The following FBXO33 variants were observed in gnomAD, a reference collection of about 807,000 sequenced individuals.
FBXO33 encodes F-box protein 33.
In FBXO33, 22 loss-of-function variants were observed where a neutral mutation model predicts 46.3. The ratio of observed to expected loss-of-function variants is 0.48; its 90% CI spans 0.34 to 0.68. The LOEUF (loss-of-function observed/expected upper bound fraction) is 0.68. FBXO33 is among the 30% of genes least tolerant of loss of function. The pLI is 0.01. For missense variants in FBXO33, 692 were observed against 708.8 expected, an observed-to-expected ratio of 0.98 and a Z score of 0.27; for synonymous variants, 337 against 291.3, an observed-to-expected ratio of 1.16 and a Z score of -1.60.
intron 1 of FBXO33, among the ~76,000 whole-genome samples, chr14:39,426,324 C>T (rs1247625044): frequency 6.6e-6 from 1 of 152,026 alleles, no homozygotes. Flanking sequence ...AATCCATCCA[C>T]TTTTTTTCAT....
At chr14:39,409,902 C>T (rs1425934048) in intron 1 of FBXO33, among the ~76,000 whole-genome samples, 2 of 152,120 alleles carry the variant, frequency 1.3e-5, no homozygotes, top group Non-Finnish European at 2.9e-5. Context: ...TTTGCATCCA[C>T]CAACCTTGCT....
chr14:39,429,742 G>A (rs1998885), intron 1 of FBXO33, among the ~76,000 whole-genome samples: 21,443 of 152,122 alleles, frequency 0.14, 1,671 homozygotes, highest in South Asian at 0.27. Flanking sequence ...AGGGATGACG[G>A]GTGTGATGTT....
Position 39,431,758 on chromosome 14 carries a change from G to A in FBXO33, c.405C>T (p.Phe135=), listed in dbSNP as rs867272402. 1.9e-6 allele frequency: 3 copies of A among 1,612,774 alleles called. No individual in the cohort carries two copies. Among genetic ancestry groups the A allele is most frequent in the East Asian group, 2.2e-5 (1 of 44,872 alleles). Residue 135 remains phenylalanine, a synonymous_variant, in exon 1 of 4, where the codon TTC becomes TTT. Coordinates refer to ENST00000298097, the MANE Select transcript of FBXO33 (RefSeq NM_203301.4). ...LEFLMRKCGW[F]VRELRVEFAA... is the part of the protein sequence containing the mutation. ...CGAATTCAACACGCAGCTCTCGCAC[G>A]AACCAGCCGCACTTGCGCATGAGGA...
rs775357641 is a variant in FBXO33, at chr14:39,401,825, A to G, written c.747T>C (p.Ser249=). The part of the protein sequence containing the change: ...QQLFEEILSN[S]RQLKWLSCGF... ...CACAGGACAGCCATTTCAGTTGCCT[A>G]CTATTACTCAGGATTTCTTCAAACA... is the stretch of plus-strand genomic sequence containing the variant. Residue 249 remains serine (S), a synonymous_variant, in exon 3 of 4, where the codon AGT becomes AGC. Transcript: ENST00000298097. 1 of 1,613,602 alleles carries G rather than the reference A, an allele frequency of 6.2e-7. No homozygotes were observed. The highest frequency in any genetic ancestry group is 8.5e-7 in the Non-Finnish European group (1 of 1,179,774).
chr14:39,401,315 G>T lies in FBXO33; in HGVS notation c.1257C>A (p.Asp419Glu), dbSNP rs753775225. The change falls in exon 3 of 4, where the codon GAC becomes GAA. Residue 419 changes from aspartate (D) to glutamate (E), a missense_variant. Asp to Glu is a conservative substitution (Grantham distance 45). This residue lies in a region of FBXO33 where 186 missense variants were observed against 246.1 expected (regional missense o/e 0.76). Coordinates refer to ENST00000298097, the MANE Select transcript of FBXO33 (RefSeq NM_203301.4). ...TTAAAATAAAATGAGTGAGGAACTTGTCATATTGCCTGGATATAAGATCAA... is the reference window on the plus strand; with the variant it reads ...TTAAAATAAAATGAGTGAGGAACTTTTCATATTGCCTGGATATAAGATCAA... ...AIVDLISRQY[D>E]KFLTHFILMN... 6.2e-7 allele frequency: 1 copy of T among 1,614,118 alleles called. No homozygotes were observed. The highest frequency in any genetic ancestry group is 2.2e-5 in the East Asian group (1 of 44,878).
rs2075353434 is a variant in FBXO33 at position 39,398,463 on chromosome 14, T to C, written c.*1053A>G. ...AGTGAAACAGGTGCATGTTTTTTTTTTCTTTTTTTTTTTTTTTTGTTTTGT... is the reference window on the plus strand; with the variant it reads ...AGTGAAACAGGTGCATGTTTTTTTTCTCTTTTTTTTTTTTTTTTGTTTTGT... On this transcript the variant is annotated 3_prime_UTR_variant, in exon 4 of 4. Transcript: ENST00000298097. 1 of 147,988 alleles carries C rather than the reference T, an allele frequency of 6.8e-6. No individual in the cohort carries two copies. The highest frequency in any genetic ancestry group is 1.5e-5 in the Non-Finnish European group (1 of 67,916). The allele number at this position is 147,988 out of a possible 1,614,324, so 9.2% of individuals were successfully genotyped here.
intron 1 of FBXO33, among the ~76,000 whole-genome samples, chr14:39,404,908 G>C (rs1236341997): frequency 1.3e-5 from 2 of 151,916 alleles, no homozygotes; most frequent in Admixed American, 1.3e-4. Flanking sequence ...CAGCACTTTG[G>C]GAGGCTGAGG....
At chr14:39,408,205 A>C (rs1250851791) in intron 1 of FBXO33, among the ~76,000 whole-genome samples, 1 of 151,824 alleles carries the variant, frequency 6.6e-6, no homozygotes, top group Non-Finnish European at 1.5e-5. Context: ...TCAGCCTCCC[A>C]AAGTGTTGGA....
At chr14:39,414,708 C>T (rs2075439309) in intron 1 of FBXO33, among the ~76,000 whole-genome samples, 1 of 152,180 alleles carries the variant, frequency 6.6e-6, no homozygotes, top group Non-Finnish European at 1.5e-5. Context: ...GTTGCCCAGG[C>T]TGCAGTGCAG....
At chr14:39,431,529 G>T in intron 1 of FBXO33, 35 bp downstream of exon 1, 1 of 1,605,814 alleles carries the variant, frequency 6.2e-7, no homozygotes, top group Non-Finnish European at 8.5e-7. Flanking sequence ...GCGACCCCCC[G>T]TTACCGGGCG....
chr14:39,407,193 T>C (rs762911216), intron 1 of FBXO33, among the ~76,000 whole-genome samples: 7 of 152,174 alleles, frequency 4.6e-5, no homozygotes, highest in African/African-American at 1.2e-4. Flanking sequence ...ATACAAGATA[T>C]TTAGGAATAA....
intron 1 of FBXO33, among the ~76,000 whole-genome samples, chr14:39,411,080 C>A (rs4902599): frequency 0.38 from 58,421 of 151,898 alleles, 14,011 homozygotes; most frequent in African/African-American, 0.67. Flanking sequence ...TTTAAAGTTA[C>A]GTTGTATGAA....
At position 39,401,239 on chromosome 14, in the gene FBXO33, T is replaced by G; in HGVS notation, c.1333A>C (p.Asn445His). Reference protein sequence around the residue: ...SGFPDLSDNRNEDPLVLLAWR... With the variant: ...SGFPDLSDNRHEDPLVLLAWR... ...GCTAATAAAACCAACGGATCTTCAT[T>G]TCGGTTGTCACTAAGATCTGGAAAA... Residue 445 changes from asparagine (N) to histidine (H), a missense_variant, in exon 3 of 4, where the codon AAT (asparagine) becomes CAT (histidine). Around this residue, in one of 3 missense-constraint regions of FBXO33, gnomAD observed 186 missense variants for 246.1 expected, o/e 0.76. Coordinates refer to ENST00000298097, the MANE Select transcript of FBXO33 (RefSeq NM_203301.4). 6.2e-7 allele frequency: 1 copy of G among 1,613,426 alleles called. No homozygotes were observed. The highest frequency in any genetic ancestry group is 8.5e-7 in the Non-Finnish European group (1 of 1,179,796).
intron 1 of FBXO33, among the ~76,000 whole-genome samples, chr14:39,416,138 ATT>A (rs1226243512): frequency 6.6e-6 from 1 of 152,094 alleles, no homozygotes; most frequent in Non-Finnish European, 1.5e-5. Flanking sequence ...TCCCATTAGC[ATT>A]TCTTGTAAGG....
Position 39,432,210 on chromosome 14 carries a change from C to A in FBXO33, c.-48G>T, listed in dbSNP as rs1370270471. 1.7e-6 allele frequency: 2 copies of A among 1,189,834 alleles called. No homozygotes were observed. The highest frequency in any genetic ancestry group is 2.1e-6 in the Non-Finnish European group (2 of 958,730). 73.7% of individuals were successfully genotyped at this position (1,189,834 alleles called of 1,614,324 possible). A position where few individuals can be genotyped will look rare whatever the true frequency, so the allele number is the denominator to read the frequency against. On this transcript the variant is annotated 5_prime_UTR_variant, in exon 1 of 4. Coordinates refer to ENST00000298097, the MANE Select transcript of FBXO33 (RefSeq NM_203301.4). Reference sequence around the variant, plus strand: ...GGAACCGTCGTGGGTCTCGGCGGAACCAAGTAGAACACAAGTTGTGGAGAG... The same window carrying A: ...GGAACCGTCGTGGGTCTCGGCGGAAACAAGTAGAACACAAGTTGTGGAGAG...
At chr14:39,408,593 A>G (rs1313022986) in intron 1 of FBXO33, among the ~76,000 whole-genome samples, 1 of 151,216 alleles carries the variant, frequency 6.6e-6, no homozygotes, top group Non-Finnish European at 1.5e-5. Context: ...GCTCACTGCA[A>G]CCTCTGGCTC....
chr14:39,401,538 G>A lies in FBXO33; in HGVS notation c.1034C>T (p.Ser345Phe), dbSNP rs1292296309. The A allele has an allele frequency of 1.9e-6, 3 of 1,614,036 alleles. No homozygotes were observed. In the African/African-American group the frequency reaches 4.0e-5, roughly 22 times the overall value. Residue 345 changes from serine (S) to phenylalanine (F), a missense_variant, in exon 3 of 4, where the codon TCT (serine) becomes TTT (phenylalanine). Coordinates refer to ENST00000298097, the MANE Select transcript of FBXO33 (RefSeq NM_203301.4). ...GTTGTCCAGAGACTTGTGCATTACA[G>A]AAACATTGTGAACCAGAAGAGACAG... ...QRLSLLVHNV[S>F]VMHKSLDNMP...
Position 39,401,872 on chromosome 14 carries a change from A to T in FBXO33, c.711-11T>A. 6.3e-7 allele frequency: 1 copy of T among 1,591,898 alleles called. No individual in the cohort carries two copies. ...AACAGTTGCTGAATTCTATAAGGAAAACACATGCCACAGTGATCCCATTAA... is the reference window on the plus strand; with the variant it reads ...AACAGTTGCTGAATTCTATAAGGAATACACATGCCACAGTGATCCCATTAA... On this transcript the variant is annotated splice_polypyrimidine_tract_variant and intron_variant, in intron 2 of 3. Coordinates refer to ENST00000298097, the MANE Select transcript of FBXO33 (RefSeq NM_203301.4).
At chr14:39,400,432 A>G (rs1022242466) in intron 3 of FBXO33, among the ~76,000 whole-genome samples, 1 of 152,182 alleles carries the variant, frequency 6.6e-6, no homozygotes, top group Non-Finnish European at 1.5e-5. Context: ...AAATAACCTG[A>G]TATGTCTTTA....
Sources: gnomAD v4.1 joint callset for allele counts (sites outside exome capture counted in the v4.1 genomes callset) on GRCh38, gnomAD v4.1.1 for gene constraint, gnomAD v4.1.1 regional missense constraint, MANE v1.5 for transcripts, NCBI Gene and HGNC (gene_info 2026-07-23, HGNC 2026-07-21) for gene names.